The following PIR variants were observed in gnomAD, a reference collection of about 807,000 sequenced individuals.
The protein encoded by PIR is pirin (iron-binding nuclear protein).
A neutral mutation model predicts 24.2 loss-of-function variants in PIR; 22 were observed. The observed-to-expected ratio is 0.91, with a 90% CI of 0.65 to 1.30. The LOEUF is 1.30. Ranked by LOEUF, PIR falls within the 50% of genes most tolerant of loss-of-function variation. PIR has a pLI of 0.00. For synonymous variants in PIR, 80 were observed against 79.6 expected, an observed-to-expected ratio of 1.00 and a Z score of -0.03; for missense variants, 220 against 220.3, an observed-to-expected ratio of 1.00 and a Z score of 0.01.
At chrX:15,399,907 T>C (rs754127583) in intron 7 of PIR, among the ~76,000 whole-genome samples, 8 of 110,979 alleles carry the variant, frequency 7.2e-5, no homozygotes, top group Non-Finnish European at 1.1e-4. Flanking sequence ...AGTAAAAAGA[T>C]TAACAACTTC....
At chrX:15,480,452 T>C (rs1172085641) in intron 2 of PIR, among the ~76,000 whole-genome samples, 1 of 112,192 alleles carries the variant, frequency 8.9e-6, no homozygotes, top group Admixed American at 9.5e-5. Context: ...AAGATATAAA[T>C]AGTCAAGTAT....
chrX:15,403,189 C>T (rs1243929527), intron 7 of PIR, among the ~76,000 whole-genome samples: 2 of 111,764 alleles, frequency 1.8e-5, no homozygotes, highest in Non-Finnish European at 3.8e-5. Context: ...ATCCAGAGCC[C>T]GTTTCAAACT....
intron 3 of PIR, among the ~76,000 whole-genome samples, chrX:15,473,076 C>T (rs1304575225): frequency 8.9e-6 from 1 of 112,241 alleles, no homozygotes; most frequent in African/African-American, 3.2e-5. Flanking sequence ...CAAGATTGTT[C>T]TATATTAGGA....
intron 3 of PIR, among the ~76,000 whole-genome samples, chrX:15,476,884 T>C (rs756281799): frequency 1.8e-5 from 2 of 111,944 alleles, no homozygotes; most frequent in East Asian, 5.6e-4. Flanking sequence ...TGTGGTGATA[T>C]CAGTTGGTAC....
chrX:15,459,561 A>T (rs1801467406), intron 4 of PIR, 96 bp downstream of exon 4: 2 of 522,743 alleles, frequency 3.8e-6, no homozygotes, highest in Admixed American at 4.9e-5. Flanking sequence ...TAATAGAGAG[A>T]GTGTGGAAAG....
At position 15,398,194 on chromosome X, in the gene PIR, T is replaced by C. The variant is rs751740367; in HGVS notation, c.611-663A>G. 1.3e-4 allele frequency among the ~76,000 whole-genome samples: 15 copies of C among 111,361 alleles called. No individual in the cohort carries two copies. In the South Asian group the frequency reaches 5.4e-3, roughly 40 times the overall value. ...CACACCAACATGGCACGTGTATACCTATGTAACAAACCTGCATGTTGTGCA... is the reference window on the plus strand; with the variant it reads ...CACACCAACATGGCACGTGTATACCCATGTAACAAACCTGCATGTTGTGCA... On this transcript the variant is annotated intron_variant, in intron 7 of 9. Coordinates refer to ENST00000380420, the MANE Select transcript of PIR (RefSeq NM_001018109.3).
intron 9 of PIR, among the ~76,000 whole-genome samples, chrX:15,386,326 T>C (rs1405665113): frequency 8.9e-6 from 1 of 112,426 alleles, no homozygotes; most frequent in Non-Finnish European, 1.9e-5. Flanking sequence ...GTCTTGATGA[T>C]GCTGAAATCT....
intron 5 of PIR, among the ~76,000 whole-genome samples, chrX:15,433,213 G>A (rs1379998987): frequency 9.0e-6 from 1 of 111,230 alleles, no homozygotes; most frequent in Non-Finnish European, 1.9e-5. Flanking sequence ...AGCTCACTTA[G>A]GCAGATGCTC....
intron 6 of PIR, among the ~76,000 whole-genome samples, chrX:15,409,289 G>A (rs1396542563): frequency 2.1e-5 from 2 of 95,451 alleles, no homozygotes; most frequent in Admixed American, 2.2e-4. Context: ...AGTAGAGACG[G>A]GGTTTCACCA....
intron 5 of PIR, among the ~76,000 whole-genome samples, chrX:15,436,657 A>G (rs1207354537): frequency 8.9e-6 from 1 of 112,263 alleles, no homozygotes; most frequent in Non-Finnish European, 1.9e-5. Flanking sequence ...CAGCAAATCT[A>G]TTAACCAATG....
chrX:15,400,840 G>A (rs953710339), intron 7 of PIR, among the ~76,000 whole-genome samples: 3 of 108,257 alleles, frequency 2.8e-5, no homozygotes, highest in African/African-American at 6.7e-5. Context: ...TCTGCCTCCC[G>A]CGATTATTCT....
At chrX:15,403,656 T>C (rs1193315650) in intron 7 of PIR, among the ~76,000 whole-genome samples, 1 of 111,483 alleles carries the variant, frequency 9.0e-6, no homozygotes, top group Non-Finnish European at 1.9e-5. Context: ...CTTTTTGCCT[T>C]AGCAAAAGAT....
At chrX:15,437,348 A>C (rs956499434) in intron 5 of PIR, among the ~76,000 whole-genome samples, 1 of 112,161 alleles carries the variant, frequency 8.9e-6, no homozygotes, top group African/African-American at 3.2e-5. Context: ...AAAGCATCTC[A>C]TTCTATCAGG....
At chrX:15,406,787 G>A (rs1043085277) in intron 7 of PIR, among the ~76,000 whole-genome samples, 1 of 111,697 alleles carries the variant, frequency 9.0e-6, no homozygotes, top group Non-Finnish European at 1.9e-5. Flanking sequence ...TCTCCCACCC[G>A]CTCTGTCCCT....
At chrX:15,443,921 C>A (rs1926003756) in intron 5 of PIR, among the ~76,000 whole-genome samples, 1 of 112,350 alleles carries the variant, frequency 8.9e-6, no homozygotes, top group Non-Finnish European at 1.9e-5. Context: ...GGAGATGATT[C>A]TTATCAAAGA....
At position 15,388,152 on chromosome X, in the gene PIR, C is replaced by A. The variant is rs1002767319; in HGVS notation, c.760+2033G>T. Reference sequence around the variant, plus strand: ...TTGATAGTTACCTATAATTCTCTTTCAAATTATAGCTTTCATCACTTCTCT... The same window carrying A: ...TTGATAGTTACCTATAATTCTCTTTAAAATTATAGCTTTCATCACTTCTCT... On this transcript the variant is annotated intron_variant, in intron 9 of 9. Transcript: ENST00000380420. Among the ~76,000 whole-genome samples, 4 of 112,395 alleles carry A rather than the reference C, an allele frequency of 3.6e-5. No individual in the cohort carries two copies. The South Asian group carries it at 1.5e-3, about 42-fold the overall frequency.
At chrX:15,449,048 C>T (rs1360172158) in intron 5 of PIR, among the ~76,000 whole-genome samples, 1 of 111,208 alleles carries the variant, frequency 9.0e-6, no homozygotes, top group East Asian at 2.8e-4. Flanking sequence ...AAATTAAATG[C>T]CGTCCGCCCA....
chrX:15,438,695 C>T (rs1316953040), intron 5 of PIR, among the ~76,000 whole-genome samples: 1 of 111,443 alleles, frequency 9.0e-6, no homozygotes, highest in Non-Finnish European at 1.9e-5. Flanking sequence ...TTGACATCGC[C>T]AGATGCCTTG....
At chrX:15,461,656 G>A (rs112702894) in intron 3 of PIR, among the ~76,000 whole-genome samples, 3 of 111,097 alleles carry the variant, frequency 2.7e-5, no homozygotes, top group Non-Finnish European at 5.7e-5. Flanking sequence ...GGTGGCAGGC[G>A]CCTGTAATCC....
Sources: allele counts gnomAD v4.1 joint callset (sites outside exome capture counted in the v4.1 genomes callset), GRCh38; gene constraint gnomAD v4.1.1; transcripts MANE v1.5; gene names NCBI Gene and HGNC (gene_info 2026-07-23, HGNC 2026-07-21).